The following PCDH7 variants were observed in gnomAD, a reference collection of about 807,000 sequenced individuals.
PCDH7 encodes protocadherin 7, also known as protocadherin-7.
Under a neutral mutation model 58.9 loss-of-function variants are expected in PCDH7, and 17 were observed. The observed-to-expected ratio is 0.29, with a 90% confidence interval of 0.20 to 0.43. The LOEUF is 0.43. Ranked by LOEUF, PCDH7 falls within the 20% of genes least tolerant of loss-of-function variation. PCDH7 has a pLI of 1.00. For missense variants in PCDH7, 1,274 were observed against 1,441.0 expected (o/e 0.88, Z 1.88); for synonymous variants, 664 against 616.4 (o/e 1.08, Z -1.14).
At chr4:30,730,310 C>A (rs967335485) in intron 1 of PCDH7, among the ~76,000 whole-genome samples, 8 of 151,744 alleles carry the variant, frequency 5.3e-5, no homozygotes, top group South Asian at 2.1e-4. Context: ...TTTAAAAAAA[C>A]CCATAGAATC....
At chr4:30,962,375 T>C (rs2109461231) in intron 3 of PCDH7, among the ~76,000 whole-genome samples, 1 of 152,334 alleles carries the variant, frequency 6.6e-6, no homozygotes, top group East Asian at 1.9e-4. Flanking sequence ...GCCTATGTAA[T>C]ACTTTTCCTA....
chr4:31,145,440 A>G (rs1319742578), downstream of PCDH7: 2 of 152,038 alleles, frequency 1.3e-5, no homozygotes, highest in African/African-American at 4.8e-5. Flanking sequence ...CACTCCATAT[A>G]TAGAGTGCTT....
chr4:30,744,827 T>A (rs1396669525), intron 1 of PCDH7, among the ~76,000 whole-genome samples: 1 of 152,256 alleles, frequency 6.6e-6, no homozygotes, highest in Non-Finnish European at 1.5e-5. Flanking sequence ...AGATTGCTAA[T>A]GGATTAATTC....
At chr4:30,969,108 C>T (rs1300603342) in intron 3 of PCDH7, among the ~76,000 whole-genome samples, 1 of 152,182 alleles carries the variant, frequency 6.6e-6, no homozygotes, top group Non-Finnish European at 1.5e-5. Context: ...ATTTCAGCTC[C>T]TGAGACAGGG....
In PCDH7 at chr4:30,721,719, T is replaced by C; in HGVS notation, c.297T>C (p.Cys99=). 1 of 1,613,784 alleles carries C rather than the reference T, an allele frequency of 6.2e-7. No homozygotes were observed. The highest frequency in any genetic ancestry group is 8.5e-7 in the Non-Finnish European group (1 of 1,179,972). Residue 99 remains cysteine (C), a synonymous_variant, in exon 1 of 2, where the codon TGT becomes TGC. Coordinates refer to ENST00000361762, the Ensembl canonical transcript of PCDH7. This position sits in a 1 kb window ranked among gnomAD's most constrained non-coding sequence, Gnocchi z 6.7. ...TCGACCGCGAGAAGCTGCCCCAGTG[T>C]CAGATGATCTTCGACGAGAACGAGT... is the stretch of plus-strand genomic sequence containing the variant.
intron 3 of PCDH7, among the ~76,000 whole-genome samples, chr4:31,073,417 AATCC>A (rs1173846761): frequency 6.6e-6 from 1 of 152,194 alleles, no homozygotes; most frequent in African/African-American, 2.4e-5. Flanking sequence ...AGAACTGAAG[AATCC>A]ATCTGCTATA....
chr4:30,830,875 A>C (rs7685813), intron 1 of PCDH7, among the ~76,000 whole-genome samples: 1 of 151,924 alleles, frequency 6.6e-6, no homozygotes, highest in Non-Finnish European at 1.5e-5. Flanking sequence ...TCATTTCCTC[A>C]TAATGCTGCC....
chr4:30,926,929 C>A (rs1041115669), intron 2 of PCDH7, among the ~76,000 whole-genome samples: 7 of 152,140 alleles, frequency 4.6e-5, no homozygotes, highest in African/African-American at 1.7e-4. Flanking sequence ...TTACCAGATT[C>A]TCAGTCCTTT....
intron 1 of PCDH7, among the ~76,000 whole-genome samples, chr4:30,778,893 G>A (rs965871800): frequency 3.3e-5 from 5 of 151,074 alleles, no homozygotes; most frequent in African/African-American, 1.2e-4. Context: ...TTCAATCTAA[G>A]GTCTGCAATG....
At chr4:30,906,822 A>G (rs1210126131) in intron 1 of PCDH7, among the ~76,000 whole-genome samples, 1 of 152,068 alleles carries the variant, frequency 6.6e-6, no homozygotes, top group East Asian at 1.9e-4. Context: ...CAGGAGTTTG[A>G]CACCAGGTTG....
At chr4:30,764,811 C>T (rs1479954003) in intron 1 of PCDH7, among the ~76,000 whole-genome samples, 2 of 152,064 alleles carry the variant, frequency 1.3e-5, no homozygotes, top group Non-Finnish European at 2.9e-5. Flanking sequence ...ACCTCCCCCT[C>T]CCTGGTTCAA....
intron 1 of PCDH7, among the ~76,000 whole-genome samples, chr4:30,754,177 TGTGTGTGTGTG>T (rs771997687): frequency 0.041 from 6,143 of 151,638 alleles, 303 homozygotes; most frequent in African/African-American, 0.12. Context: ...TGTGTGTGTG[TGTGTGTGTGTG>T]TTTTTTCTGG....
intron 1 of PCDH7, among the ~76,000 whole-genome samples, chr4:30,758,940 G>GCTTTTTTTTTTTTTTTTTTTTTT (rs1553880707): frequency 8.0e-6 from 1 of 124,238 alleles, no homozygotes. Context: ...TTGAAGAAGT[G>GCTTTTTTTTTTTTTTTTTTTTTT]TTTTTTTTTT....
At chr4:31,044,092 A>T (rs1413101676) in intron 3 of PCDH7, among the ~76,000 whole-genome samples, 2 of 152,244 alleles carry the variant, frequency 1.3e-5, no homozygotes, top group East Asian at 3.9e-4. Context: ...CTGTTTATTT[A>T]AATACATAAA....
intron 2 of PCDH7, among the ~76,000 whole-genome samples, chr4:30,937,003 T>C (rs1344556261): frequency 6.4e-5 from 8 of 124,622 alleles, no homozygotes; most frequent in African/African-American, 2.0e-4. Context: ...ATTGTATCCT[T>C]CTACCAAGGT....
intron 3 of PCDH7, among the ~76,000 whole-genome samples, chr4:31,021,329 A>G (rs1048405951): frequency 1.3e-5 from 2 of 152,176 alleles, no homozygotes; most frequent in Admixed American, 6.5e-5. Flanking sequence ...CCACACAAAC[A>G]AAAATTCTTC....
At chr4:30,909,164 A>G (rs1342019011) in intron 1 of PCDH7, among the ~76,000 whole-genome samples, 1 of 152,196 alleles carries the variant, frequency 6.6e-6, no homozygotes, top group African/African-American at 2.4e-5. Context: ...TAAACTAGGT[A>G]TTGATGGAAC....
intron 3 of PCDH7, among the ~76,000 whole-genome samples, chr4:31,025,774 T>C (rs996107402): frequency 2.6e-5 from 4 of 152,204 alleles, no homozygotes; most frequent in African/African-American, 9.6e-5. Context: ...TTAATTAAGA[T>C]TGCATTTTGC....
intron 3 of PCDH7, among the ~76,000 whole-genome samples, chr4:30,979,491 C>A (rs532544059): frequency 6.6e-6 from 1 of 151,994 alleles, no homozygotes; most frequent in South Asian, 2.1e-4. Flanking sequence ...TTCTGATAGG[C>A]TCTCTCAGCA....
Sources: gnomAD v4.1 joint callset for allele counts (sites outside exome capture counted in the v4.1 genomes callset) on GRCh38, gnomAD v4.1.1 for gene constraint, Gnocchi (gnomAD v3.1) non-coding constraint, MANE v1.5 for transcripts, NCBI Gene and HGNC (gene_info 2026-07-23, HGNC 2026-07-21) for gene names.